HAUS6: variants seen among roughly 807,000 people sequenced by gnomAD.
HAUS6 encodes the protein HAUS augmin-like complex subunit 6.
Under a neutral mutation model 106.8 loss-of-function variants are expected in HAUS6, and 80 were observed. That is an observed-to-expected ratio of 0.75 (90% CI 0.63 to 0.90). The LOEUF is 0.90. Among genes scored for constraint, HAUS6 ranks in the 40% least tolerant of loss-of-function variants. The probability of loss-of-function intolerance (pLI) is 0.00; values close to 1 mark genes in which losing one functional copy is unlikely to be tolerated. For missense variants in HAUS6, 1,155 were observed against 1,118.1 expected (o/e 1.03, Z -0.47); for synonymous variants, 356 against 379.1 (o/e 0.94, Z 0.71).
chr9:19,101,859 G>A (rs201791045), intron 1 of HAUS6, among the ~76,000 whole-genome samples: 1 of 152,184 alleles, frequency 6.6e-6, no homozygotes. Flanking sequence ...GTTGGAGGGT[G>A]CAGTGAGCCG....
chr9:19,084,051 C>CAAAAA (rs35034404), intron 7 of HAUS6, among the ~76,000 whole-genome samples: 2 of 100,434 alleles, frequency 2.0e-5, no homozygotes, highest in Non-Finnish European at 4.2e-5. Context: ...AGGATCCTTG[C>CAAAAA]AAAAAAAAAA....
Position 19,063,524 on chromosome 9 carries a change from A to T in HAUS6, c.1433T>A (p.Val478Glu). The T allele has an allele frequency of 6.4e-7, 1 of 1,557,030 alleles. No individual in the cohort carries two copies. The highest frequency in any genetic ancestry group is 8.9e-7 in the Non-Finnish European group (1 of 1,128,480). ...VSSSDRNSVT[V>E]LEKDTKMGTP... is the part of the protein sequence containing the mutation. ...TATTTTAAAATATACCTTTTCAAGTACTGTAACACTGTTTCTATCTGATGA... is the reference window on the plus strand; with the variant it reads ...TATTTTAAAATATACCTTTTCAAGTTCTGTAACACTGTTTCTATCTGATGA... The change falls in exon 13 of 17, where the codon GTA becomes GAA. Residue 478 changes from valine (V) to glutamate (E), a missense_variant. By Grantham distance (121) the Val-to-Glu change is moderately radical. Coordinates refer to ENST00000380502, the MANE Select transcript of HAUS6 (RefSeq NM_017645.5).
chr9:19,060,869 T>C (rs1178424815), intron 14 of HAUS6, among the ~76,000 whole-genome samples: 5 of 152,184 alleles, frequency 3.3e-5, no homozygotes, highest in Non-Finnish European at 4.4e-5. Context: ...CATAATTAAA[T>C]TGACCCAAGA....
In HAUS6 at chr9:19,102,514, G is replaced by A. The variant is rs1335356276; in HGVS notation, c.128+10C>T. 6.2e-7 allele frequency: 1 copy of A among 1,611,894 alleles called. No homozygotes were observed. The highest frequency in any genetic ancestry group is 1.3e-5 in the African/African-American group (1 of 74,882). On this transcript the variant is annotated intron_variant, in intron 1 of 16. Transcript: ENST00000380502. ...AGGCTCCCTCGCCCCGCCGGCCCCGGCCTCCTTACACTCCGAGGTGCGTGT... is the reference window on the plus strand; with the variant it reads ...AGGCTCCCTCGCCCCGCCGGCCCCGACCTCCTTACACTCCGAGGTGCGTGT...
rs748382814 is a variant in HAUS6 at position 19,094,404 on chromosome 9, CA to C, written c.225-10del. The C allele has an allele frequency of 6.5e-7, 1 of 1,533,854 alleles. No homozygotes were observed. The highest frequency in any genetic ancestry group is 1.1e-5 in the South Asian group (1 of 88,244). On this transcript the variant is annotated splice_polypyrimidine_tract_variant and intron_variant, in intron 2 of 16. Coordinates refer to ENST00000380502, the MANE Select transcript of HAUS6 (RefSeq NM_017645.5). ...ATGGGGGCCAACAAAATCTGGAAAACAAAAATAAAAGCGTAAGGACTATGCA... is the reference window on the plus strand; with the variant it reads ...ATGGGGGCCAACAAAATCTGGAAAACAAAATAAAAGCGTAAGGACTATGCA...
At chr9:19,073,863 T>A (rs544562868) in intron 11 of HAUS6, 2 of 152,184 alleles carry the variant, frequency 1.3e-5, no homozygotes, top group East Asian at 3.9e-4. Context: ...CAGCTGCACA[T>A]ATATTAAAAT....
chr9:19,087,806 G>A (rs575394612), intron 5 of HAUS6, among the ~76,000 whole-genome samples: 14 of 128,646 alleles, frequency 1.1e-4, no homozygotes, highest in African/African-American at 3.7e-4. Flanking sequence ...TCATGCCACT[G>A]CACTCTAGTC....
chr9:19,066,830 CA>C (rs71333078), intron 12 of HAUS6, among the ~76,000 whole-genome samples: 73 of 82,102 alleles, frequency 8.9e-4, no homozygotes, highest in East Asian at 1.7e-3. Context: ...CTCATCTCTA[CA>C]AAAAAAAAAA....
chr9:19,070,434 A>G (rs1415092386), intron 11 of HAUS6, 134 bp from the exon 12 acceptor site: 1 of 616,062 alleles, frequency 1.6e-6, no homozygotes. Context: ...TAATAGGAAA[A>G]CATAATTATT....
Position 19,058,124 on chromosome 9 carries a change from A to G in HAUS6, c.2643T>C (p.Phe881=), listed in dbSNP as rs759995288. Residue 881 remains phenylalanine (F), a synonymous_variant, in exon 16 of 17, where the codon TTT becomes TTC. Transcript: ENST00000380502. ...QNVQTDDTLN[F]LDTCDLHTEH... ...CAGTATGCAAATCACAGGTGTCCAA[A>G]AAGTTAAGCGTATCATCTGTTTGTA... 9.3e-6 allele frequency: 15 copies of G among 1,613,998 alleles called. No homozygotes were observed. The highest frequency in any genetic ancestry group is 1.3e-5 in the African/African-American group (1 of 74,930).
At chr9:19,097,094 T>C (rs1322535648) in intron 1 of HAUS6, among the ~76,000 whole-genome samples, 1 of 152,088 alleles carries the variant, frequency 6.6e-6, no homozygotes, top group East Asian at 1.9e-4. Flanking sequence ...TGAATAACAA[T>C]AAATAGCTAA....
chr9:19,095,946 T>G (rs535478668), intron 2 of HAUS6, among the ~76,000 whole-genome samples: 1 of 152,218 alleles, frequency 6.6e-6, no homozygotes, highest in Non-Finnish European at 1.5e-5. Flanking sequence ...GATTTACAGA[T>G]AGCCGTGTAG....
chr9:19,061,579 A>C (rs1165068004), intron 14 of HAUS6, among the ~76,000 whole-genome samples: 1 of 152,172 alleles, frequency 6.6e-6, no homozygotes, highest in Admixed American at 6.5e-5. Context: ...TCATGCCTGT[A>C]ATCCCAGCAC....
rs1817844536 is a variant in HAUS6, at chr9:19,095,571, G to A, written c.224+1103C>T. Reference sequence around the variant, plus strand: ...AGAAACCCTATACCTTAATAATAGGGAATTCCAAAAAATCATCCAAACATA... The same window carrying A: ...AGAAACCCTATACCTTAATAATAGGAAATTCCAAAAAATCATCCAAACATA... On this transcript the variant is annotated intron_variant, in intron 2 of 16. Transcript: ENST00000380502. Among the ~76,000 whole-genome samples the A allele has an allele frequency of 2.0e-5, 3 of 150,414 alleles. No individual in the cohort carries two copies. The South Asian group carries it at 6.3e-4, about 31-fold the overall frequency.
chr9:19,093,021 TCCAGTAGAATATTAA>T, intron 4 of HAUS6, 135 bp downstream of exon 4: 1 of 593,360 alleles, frequency 1.7e-6, no homozygotes, highest in Non-Finnish European at 2.9e-6. Context: ...AAAGTACACT[TCCAGTAGAATATTAA>T]CCATTTCCTT....
At chr9:19,063,917 T>A (rs1028912055) in intron 12 of HAUS6, 3 of 379,770 alleles carry the variant, frequency 7.9e-6, no homozygotes, top group Non-Finnish European at 1.5e-5. Context: ...ACTGCATTAT[T>A]ACAATGTCAC....
rs1437633772 is a variant in HAUS6 at position 19,056,064 on chromosome 9, T to C, written c.*279A>G. On this transcript the variant is annotated 3_prime_UTR_variant, in exon 17 of 17. Transcript: ENST00000380502. ...TACTACTTTGTCATTCACTTAATGC[T>C]TACAAGATTACTCAAGAAATCAAAA... is the stretch of plus-strand genomic sequence containing the variant. 2.8e-6 allele frequency: 1 copy of C among 361,064 alleles called. No homozygotes were observed. Among genetic ancestry groups the C allele is most frequent in the Non-Finnish European group, 5.0e-6 (1 of 200,518 alleles). 22.4% of individuals were successfully genotyped at this position (361,064 alleles called of 1,614,324 possible). A position where few individuals can be genotyped will look rare whatever the true frequency, so the allele number is the denominator to read the frequency against.
chr9:19,070,299 A>T lies in HAUS6; in HGVS notation c.1296T>A (p.Asp432Glu), dbSNP rs1245207593. The change falls in exon 12 of 17, where the codon GAT becomes GAA. Residue 432 changes from aspartate to glutamate, a missense_variant and splice_region_variant. This residue lies in a region of HAUS6 where 761 missense variants were observed against 690.0 expected (regional missense o/e 1.10). Transcript: ENST00000380502. ...ILCQYPASLP[D>E]AHKQHNQENG... ...TTTCTTGGTTATGTTGCTTATGTGC[A>T]TCTAAAGAAATTTAAAAATTGGTTA... is the stretch of plus-strand genomic sequence containing the variant. 1.3e-6 allele frequency: 2 copies of T among 1,536,844 alleles called. No individual in the cohort carries two copies. Among genetic ancestry groups the T allele is most frequent in the African/African-American group, 2.7e-5 (2 of 73,518 alleles).
At chr9:19,071,800 G>A (rs899086146) in intron 11 of HAUS6, among the ~76,000 whole-genome samples, 2 of 151,840 alleles carry the variant, frequency 1.3e-5, no homozygotes, top group Admixed American at 1.3e-4. Flanking sequence ...GGTCTCCTAG[G>A]CTCAAGCAAT....
Sources: gnomAD v4.1 joint callset for allele counts (sites outside exome capture counted in the v4.1 genomes callset) on GRCh38, gnomAD v4.1.1 for gene constraint, gnomAD v4.1.1 regional missense constraint, MANE v1.5 for transcripts, NCBI Gene and HGNC (gene_info 2026-07-23, HGNC 2026-07-21) for gene names.